The following DGKZ variants were observed in gnomAD, a reference collection of about 807,000 sequenced individuals.
DGKZ encodes diacylglycerol kinase zeta.
In DGKZ, 45 loss-of-function variants were observed where a neutral mutation model predicts 142.5. The observed-to-expected ratio is 0.32, with a 90% CI of 0.25 to 0.40. DGKZ has a LOEUF of 0.40. DGKZ is among the 10% of genes least tolerant of loss of function. DGKZ has a pLI of 1.00. For missense variants in DGKZ, 755 were observed against 1,306.5 expected, an observed-to-expected ratio of 0.58 and a Z score of 6.51; for synonymous variants, 442 against 527.0, an observed-to-expected ratio of 0.84 and a Z score of 2.21.
chr11:46,374,363 G>T, intron 15 of DGKZ, 36 bp from the exon 16 acceptor site: 1 of 1,613,952 alleles, frequency 6.2e-7, no homozygotes, highest in Non-Finnish European at 8.5e-7. Flanking sequence ...GCAGGCTGGG[G>T]TGACTCACTG....
intron 20 of DGKZ, 33 bp downstream of exon 20, chr11:46,375,664 C>A: frequency 6.5e-7 from 1 of 1,532,778 alleles, no homozygotes; most frequent in South Asian, 1.2e-5. Context: ...CCCTGGGTGC[C>A]AAGGCCAGAC....
In DGKZ at chr11:46,367,341, C is replaced by G; in HGVS notation, c.212C>G (p.Thr71Ser). The change falls in exon 2 of 31, where the codon ACC becomes AGC. Residue 71 changes from threonine (T) to serine (S), a missense_variant. By Grantham distance (58) the Thr-to-Ser change is moderately conservative. Around this residue, in one of 8 missense-constraint regions of DGKZ, gnomAD observed 81 missense variants for 86.5 expected, o/e 0.94. Coordinates refer to ENST00000527911, the Ensembl canonical transcript of DGKZ. The surrounding 1 kb of genome is among the most constrained non-coding windows in gnomAD (Gnocchi z 4.1). ...CAGCACCTGGCCCCCCCTCCGCCCA[C>G]CCCTGGGGCCCCGTGCAGCGAGTCA... The G allele has an allele frequency of 6.2e-7, 1 of 1,613,112 alleles. No individual in the cohort carries two copies. The highest frequency in any genetic ancestry group is 1.1e-5 in the South Asian group (1 of 91,076).
intron 1 of DGKZ, chr11:46,364,312 T>G (rs1943019190): frequency 8.0e-7 from 1 of 1,246,650 alleles, no homozygotes; most frequent in Non-Finnish European, 1.1e-6. Context: ...GGGTTGCAGT[T>G]TATGAAATGA....
At chr11:46,379,751 G>A (rs1945009923) in intron 30 of DGKZ, 80 bp from the exon 31 acceptor site, 6 of 1,420,642 alleles carry the variant, frequency 4.2e-6, no homozygotes, top group South Asian at 4.2e-5. Flanking sequence ...GCCACAGGGA[G>A]GTAGAGCCCC....
At chr11:46,368,578 G>A in intron 4 of DGKZ, 1 of 271,522 alleles carries the variant, frequency 3.7e-6, no homozygotes, top group Non-Finnish European at 7.3e-6. Flanking sequence ...CGCATGGAGG[G>A]GCAGCGCTTC....
At position 46,372,492 on chromosome 11, in the gene DGKZ, A is replaced by G; in HGVS notation, c.992A>G (p.Gln331Arg). The stretch of plus-strand genomic sequence containing the variant: ...CCCCGACAAGTCTTCGACCTGAGCC[A>G]GGGAGGGCCCAAGGAGGCGTAAGTA... The change falls in exon 11 of 31, where the codon CAG becomes CGG. Residue 331 changes from glutamine (Q) to arginine (R), a missense_variant. Coordinates refer to ENST00000527911, the Ensembl canonical transcript of DGKZ. The surrounding 1 kb of genome is among the most constrained non-coding windows in gnomAD (Gnocchi z 5.9). 3.1e-6 allele frequency: 5 copies of G among 1,614,022 alleles called. No homozygotes were observed. Among genetic ancestry groups the G allele is most frequent in the Non-Finnish European group, 4.2e-6 (5 of 1,180,006 alleles).
chr11:46,365,731 GA>G, intron 1 of DGKZ: 1 of 985,416 alleles, frequency 1.0e-6, no homozygotes, highest in Non-Finnish European at 1.2e-6. Flanking sequence ...CCCATGAGGG[GA>G]CACCTAACCT....
In DGKZ at chr11:46,372,690, C is replaced by A. The variant is rs1255763656; in HGVS notation, c.1071+13C>A. The A allele has an allele frequency of 1.2e-6, 2 of 1,612,762 alleles. No individual in the cohort carries two copies. The highest frequency in any genetic ancestry group is 1.7e-6 in the Non-Finnish European group (2 of 1,179,790). On this transcript the variant is annotated intron_variant, in intron 12 of 30. Coordinates refer to ENST00000527911, the Ensembl canonical transcript of DGKZ. This position sits in a 1 kb window ranked among gnomAD's most constrained non-coding sequence, Gnocchi z 5.9. ...GGGCGACGGCACGGTGAGCTCCCCG[C>A]ATGGGCCAGCCGAGCACCAGGGCTG...
chr11:46,359,910 GCC>G (rs1345453250), intron 1 of DGKZ, among the ~76,000 whole-genome samples: 2 of 151,884 alleles, frequency 1.3e-5, no homozygotes, highest in African/African-American at 4.8e-5. Flanking sequence ...GAACCACTGT[GCC>G]CGGCCTGATA....
rs185108592 is a variant in DGKZ at position 46,360,898 on chromosome 11, G to T, written c.162-6393G>T. Among the ~76,000 whole-genome samples the T allele has an allele frequency of 1.3e-4, 20 of 152,316 alleles. No individual in the cohort carries two copies. The East Asian group carries it at 1.9e-3, about 15-fold the overall frequency. ...TGGGAGTTGGGGGGGTGGCATTCCA[G>T]TCAGGATACATATAACACAGACTGG... is the stretch of plus-strand genomic sequence containing the variant. On this transcript the variant is annotated intron_variant, in intron 1 of 30. Transcript: ENST00000527911.
In DGKZ at chr11:46,375,846, G is replaced by A. The variant is rs542853981; in HGVS notation, c.1911-5G>A. On this transcript the variant is annotated splice_region_variant and splice_polypyrimidine_tract_variant and intron_variant, in intron 20 of 30. Transcript: ENST00000527911. ...GAGCCCCCGCTTGCCGGCCCTGCCC[G>A]ACAGCCAGCAGCCGGTGCCAGAGCA... 87 of 1,555,614 alleles carry A rather than the reference G, an allele frequency of 5.6e-5. 1 individual carries two copies. In the South Asian group the frequency reaches 7.7e-4, roughly 14 times the overall value.
At chr11:46,370,034 C>T (rs778957579) in intron 6 of DGKZ, 25 bp downstream of exon 6, 95 of 1,613,042 alleles carry the variant, frequency 5.9e-5, no homozygotes, top group Middle Eastern at 1.6e-4. Context: ...CCGAGGACAT[C>T]GCCACCTGCA....
At chr11:46,357,675 C>A (rs113536594) in intron 1 of DGKZ, among the ~76,000 whole-genome samples, 1 of 152,174 alleles carries the variant, frequency 6.6e-6, no homozygotes, top group Admixed American at 6.5e-5. Flanking sequence ...CTGGCCCCGG[C>A]CCCCCAGGAG....
chr11:46,354,592 C>G (rs1941787198), intron 1 of DGKZ, among the ~76,000 whole-genome samples: 1 of 152,192 alleles, frequency 6.6e-6, no homozygotes, highest in Non-Finnish European at 1.5e-5. Context: ...CACCTACTGC[C>G]TAGCTTGGTT....
chr11:46,347,366 T>C (rs1408797789), upstream of DGKZ: 2 of 984,204 alleles, frequency 2.0e-6, no homozygotes, highest in Non-Finnish European at 2.4e-6. This position sits in a 1 kb window ranked among gnomAD's most constrained non-coding sequence, Gnocchi z 6.4. Flanking sequence ...CAGAGGGCGC[T>C]GCGGGCCCGG....
Position 46,372,283 on chromosome 11 carries a change from C to T in DGKZ, c.927+113C>T, listed in dbSNP as rs1944029460. The T allele has an allele frequency of 6.7e-6, 9 of 1,338,418 alleles. No homozygotes were observed. Among genetic ancestry groups the T allele is most frequent in the Middle Eastern group, 1.8e-4 (1 of 5,458 alleles). 82.9% of individuals were successfully genotyped at this position (1,338,418 alleles called of 1,614,324 possible). On this transcript the variant is annotated intron_variant, in intron 10 of 30. Coordinates refer to ENST00000527911, the Ensembl canonical transcript of DGKZ. This position sits in a 1 kb window ranked among gnomAD's most constrained non-coding sequence, Gnocchi z 5.9. The stretch of plus-strand genomic sequence containing the variant: ...CTGGCTTCTACCCCAATCCCTCTTT[C>T]CCAGGGATCCTGAGAAAATCCTGTC...
At chr11:46,335,533 C>G (rs544020495) in intron 1 of DGKZ, among the ~76,000 whole-genome samples, 1 of 152,332 alleles carries the variant, frequency 6.6e-6, no homozygotes, top group African/African-American at 2.4e-5. Context: ...AACTTGGGGC[C>G]TGTAATCACC....
At chr11:46,366,708 C>A in intron 1 of DGKZ, 2 of 1,560,252 alleles carry the variant, frequency 1.3e-6, no homozygotes, top group Non-Finnish European at 1.7e-6. Flanking sequence ...GGCGCCCAGC[C>A]GCTGTTGCCC....
chr11:46,366,915 T>C (rs924877849), intron 1 of DGKZ: 1 of 1,545,924 alleles, frequency 6.5e-7, no homozygotes, highest in Non-Finnish European at 8.7e-7. Context: ...GTGCGCCCAC[T>C]GTCCCGCAGG....
Sources: allele counts gnomAD v4.1 joint callset (sites outside exome capture counted in the v4.1 genomes callset), GRCh38; gene constraint gnomAD v4.1.1; regional missense constraint gnomAD v4.1.1; non-coding constraint Gnocchi (gnomAD v3.1); transcripts MANE v1.5; gene names NCBI Gene and HGNC (gene_info 2026-07-23, HGNC 2026-07-21).